Variants in SV2C observed in about 807,000 individuals in gnomAD.
The protein encoded by SV2C is synaptic vesicle glycoprotein 2C.
SV2C carries 49 observed loss-of-function variants against 79.7 expected under a neutral mutation model. That is an observed-to-expected ratio of 0.61 (90% CI 0.49 to 0.78). The LOEUF is 0.78. SV2C is among the 30% of genes least tolerant of loss of function. SV2C has a pLI of 0.00. For synonymous variants in SV2C, 334 were observed against 333.2 expected, an observed-to-expected ratio of 1.00 and a Z score of -0.03; for missense variants, 833 against 912.9, an observed-to-expected ratio of 0.91 and a Z score of 1.13.
chr5:76,336,720 G>A (rs371447320), downstream of SV2C, among the ~76,000 whole-genome samples: 17 of 152,236 alleles, frequency 1.1e-4, no homozygotes, highest in African/African-American at 3.1e-4. Flanking sequence ...GCGAAACCCC[G>A]TCTCCACCAA....
chr5:75,895,832 T>C, the SV2C span, among the ~76,000 whole-genome samples: 1 of 152,144 alleles, frequency 6.6e-6, no homozygotes, highest in Non-Finnish European at 1.5e-5. Flanking sequence ...GGATTAATGT[T>C]GCATTTAAAA....
chr5:76,194,362 T>C (rs1744201682), intron 2 of SV2C, among the ~76,000 whole-genome samples: 1 of 152,212 alleles, frequency 6.6e-6, no homozygotes, highest in Admixed American at 6.5e-5. Context: ...GAGCCTCTTA[T>C]GCTGTAAATA....
intron 1 of SV2C, among the ~76,000 whole-genome samples, chr5:76,117,618 T>TA (rs951162870): frequency 2.0e-5 from 3 of 151,982 alleles, no homozygotes; most frequent in African/African-American, 2.4e-5. Context: ...AACAGAAGAA[T>TA]AAAAAAACTG....
the SV2C span, among the ~76,000 whole-genome samples, chr5:76,018,498 T>C: frequency 6.6e-6 from 1 of 152,124 alleles, no homozygotes; most frequent in African/African-American, 2.4e-5. Flanking sequence ...TGAAAAGGTG[T>C]TTTATAATGA....
chr5:75,852,067 G>A, the SV2C span, among the ~76,000 whole-genome samples: 3 of 152,092 alleles, frequency 2.0e-5, no homozygotes, highest in African/African-American at 7.2e-5. Flanking sequence ...GCAGGTAAAA[G>A]TAAATTTACC....
the SV2C span, among the ~76,000 whole-genome samples, chr5:76,035,645 T>C: frequency 6.6e-6 from 1 of 152,332 alleles, no homozygotes; most frequent in East Asian, 1.9e-4. Context: ...TTACATTTCC[T>C]GAGGAGAGGT....
Position 76,194,928 on chromosome 5 carries a change from T to G in SV2C, c.590T>G (p.Val197Gly), listed in dbSNP as rs376092207. The G allele has an allele frequency of 5.6e-6, 9 of 1,613,816 alleles. No homozygotes were observed. In the African/African-American group the frequency reaches 1.2e-4, roughly 22 times the overall value. The change falls in exon 3 of 13, where the codon GTG becomes GGG. Residue 197 changes from valine to glycine, a missense_variant. Physicochemically the swap from Val to Gly is moderately radical, Grantham distance 109 (BLOSUM62 -3). Coordinates refer to ENST00000502798, the MANE Select transcript of SV2C (RefSeq NM_014979.4). The stretch of plus-strand genomic sequence containing the variant: ...TTTCTGTGTGTTGCAGGCAGCATAG[T>G]GTACCTCGGGATGATGGTGGGGGCG... ...NSGSGWLGSI[V>G]YLGMMVGAFF...
the SV2C span, among the ~76,000 whole-genome samples, chr5:75,969,008 G>A: frequency 6.6e-6 from 1 of 152,178 alleles, no homozygotes; most frequent in Non-Finnish European, 1.5e-5. Context: ...AGAAGAGAGT[G>A]GGGGCCAATA....
chr5:76,171,715 G>C (rs1235578695), intron 2 of SV2C, among the ~76,000 whole-genome samples: 1 of 140,594 alleles, frequency 7.1e-6, no homozygotes, highest in African/African-American at 2.6e-5. Flanking sequence ...GAGGTGGGGG[G>C]GTCAGCCCCC....
intron 2 of SV2C, among the ~76,000 whole-genome samples, chr5:76,160,971 G>A (rs1253247513): frequency 1.3e-5 from 2 of 150,612 alleles, no homozygotes; most frequent in Non-Finnish European, 3.0e-5. Flanking sequence ...AAAACTAGCA[G>A]TTTCTGACAG....
At chr5:75,956,843 A>G in the SV2C span, among the ~76,000 whole-genome samples, 23 of 152,098 alleles carry the variant, frequency 1.5e-4, no homozygotes, top group African/African-American at 5.1e-4. Context: ...CAGCTACTCA[A>G]TGACTATAAA....
the SV2C span, among the ~76,000 whole-genome samples, chr5:76,035,764 G>A: frequency 2.0e-5 from 3 of 152,216 alleles, no homozygotes; most frequent in East Asian, 1.9e-4. Context: ...TATTAGGTCT[G>A]CTTGGTGCAG....
At chr5:75,974,826 G>A in the SV2C span, among the ~76,000 whole-genome samples, 2 of 152,086 alleles carry the variant, frequency 1.3e-5, no homozygotes, top group Admixed American at 6.6e-5. Flanking sequence ...AGTTTACTTT[G>A]TGCCAGAGGT....
the SV2C span, among the ~76,000 whole-genome samples, chr5:75,896,816 C>T: frequency 6.7e-6 from 1 of 148,972 alleles, no homozygotes. Context: ...CTCTGACGGC[C>T]AGTGATGATG....
chr5:76,072,102 C>T, the SV2C span, among the ~76,000 whole-genome samples: 1 of 151,914 alleles, frequency 6.6e-6, no homozygotes, highest in Non-Finnish European at 1.5e-5. Context: ...GTTTTTTTAA[C>T]TAAATTTTAA....
chr5:76,249,851 G>A (rs1259854147), intron 4 of SV2C, among the ~76,000 whole-genome samples: 1 of 152,122 alleles, frequency 6.6e-6, no homozygotes, highest in Non-Finnish European at 1.5e-5. Context: ...GAGCCATGGG[G>A]TATATAAATC....
At chr5:75,931,311 G>A in the SV2C span, among the ~76,000 whole-genome samples, 1 of 152,182 alleles carries the variant, frequency 6.6e-6, no homozygotes, top group African/African-American at 2.4e-5. Context: ...CTGAATTCTA[G>A]TTTACACTTG....
At chr5:76,081,344 A>C (rs1235550979), upstream of SV2C, among the ~76,000 whole-genome samples, 1 of 152,250 alleles carries the variant, frequency 6.6e-6, no homozygotes, top group Non-Finnish European at 1.5e-5. Flanking sequence ...TTGAGAACTC[A>C]GTGAATTGCC....
downstream of SV2C, among the ~76,000 whole-genome samples, chr5:76,338,912 C>T (rs1749383333): frequency 6.6e-6 from 1 of 152,068 alleles, no homozygotes; most frequent in Non-Finnish European, 1.5e-5. Context: ...CCGCCTCGGC[C>T]TCCCAAGTGC....
Sources: allele counts gnomAD v4.1 joint callset (sites outside exome capture counted in the v4.1 genomes callset), GRCh38; gene constraint gnomAD v4.1.1; transcripts MANE v1.5; gene names NCBI Gene and HGNC (gene_info 2026-07-23, HGNC 2026-07-21).